LOC400499: variants seen among roughly 807,000 people sequenced by gnomAD.
the LOC400499 span, among the ~76,000 whole-genome samples, chr16:11,511,702 A>G: frequency 1.3e-5 from 2 of 152,198 alleles, no homozygotes; most frequent in African/African-American, 4.8e-5. Flanking sequence ...AATGAGCACA[A>G]GGTTTCTTTT....
At chr16:11,497,509 G>A in the LOC400499 span, among the ~76,000 whole-genome samples, 5 of 152,358 alleles carry the variant, frequency 3.3e-5, no homozygotes, top group South Asian at 4.1e-4. Context: ...GAAAGGCGGC[G>A]GGGGCACAGA....
chr16:11,485,108 A>T, the LOC400499 span: 1 of 398,954 alleles, frequency 2.5e-6, no homozygotes. Context: ...GGGAGGAACA[A>T]TTCAGTCACA....
chr16:11,377,838 A>T, the LOC400499 span, among the ~76,000 whole-genome samples: 8 of 152,212 alleles, frequency 5.3e-5, no homozygotes, highest in Non-Finnish European at 1.5e-5. Context: ...TCTTTCCTCA[A>T]TGTTTTGGAA....
chr16:11,480,803 C>A, the LOC400499 span, among the ~76,000 whole-genome samples: 1 of 152,142 alleles, frequency 6.6e-6, no homozygotes, highest in South Asian at 2.1e-4. Context: ...TTTGTTCACA[C>A]AATGGAATAC....
chr16:11,456,846 A>G, the LOC400499 span: 16 of 1,536,278 alleles, frequency 1.0e-5, no homozygotes, highest in Non-Finnish European at 1.4e-5. Context: ...GAGGCCCCAC[A>G]GCCAACACTC....
At chr16:11,498,993 G>C in the LOC400499 span, among the ~76,000 whole-genome samples, 1 of 139,530 alleles carries the variant, frequency 7.2e-6, no homozygotes, top group Admixed American at 7.6e-5. Flanking sequence ...AGTCCAGATG[G>C]GTTTGTGCTC....
At chr16:11,512,337 G>A in the LOC400499 span, among the ~76,000 whole-genome samples, 7,094 of 151,838 alleles carry the variant, frequency 0.047, 553 homozygotes, top group African/African-American at 0.16. Flanking sequence ...GGTGGCTCAC[G>A]CCTGTAGTCC....
At chr16:11,372,691 G>A in the LOC400499 span, 5 of 943,372 alleles carry the variant, frequency 5.3e-6, no homozygotes, top group Non-Finnish European at 6.3e-6. Flanking sequence ...AGAAGGTGAA[G>A]GAGTTTGAAG....
chr16:11,457,691 C>G, the LOC400499 span, among the ~76,000 whole-genome samples: 1 of 151,852 alleles, frequency 6.6e-6, no homozygotes, highest in African/African-American at 2.4e-5. Flanking sequence ...TAGAAAGAAT[C>G]GAAAGCATCA....
chr16:11,396,378 G>A, the LOC400499 span: 8 of 852,274 alleles, frequency 9.4e-6, no homozygotes, highest in Admixed American at 4.3e-5. Flanking sequence ...CCAGAATGCT[G>A]GTTTGCAGTT....
At chr16:11,447,054 C>T in the LOC400499 span, 1 of 977,266 alleles carries the variant, frequency 1.0e-6, no homozygotes, top group Non-Finnish European at 1.5e-6. Flanking sequence ...CATCAGGACA[C>T]CTGGCAGCCC....
At chr16:11,438,853 G>C in the LOC400499 span, among the ~76,000 whole-genome samples, 1 of 152,114 alleles carries the variant, frequency 6.6e-6, no homozygotes, top group Non-Finnish European at 1.5e-5. Context: ...TTAGCACTTT[G>C]GAAGGTTGAA....
At chr16:11,414,690 A>C in the LOC400499 span, 1 of 396,740 alleles carries the variant, frequency 2.5e-6, no homozygotes, top group African/African-American at 2.1e-5. Flanking sequence ...CCTCCGTGAC[A>C]TCATCTGTCA....
the LOC400499 span, chr16:11,417,517 AG>A: frequency 2.5e-6 from 1 of 397,982 alleles, no homozygotes; most frequent in Non-Finnish European, 4.4e-6. Flanking sequence ...TGGAGCCCAG[AG>A]CCACACTGGA....
At chr16:11,435,782 G>A in the LOC400499 span, 1 of 399,594 alleles carries the variant, frequency 2.5e-6, no homozygotes, top group Middle Eastern at 6.3e-4. Context: ...GTCCTGGCTG[G>A]CGTCGACCTC....
the LOC400499 span, among the ~76,000 whole-genome samples, chr16:11,461,782 C>G: frequency 6.6e-6 from 1 of 152,306 alleles, no homozygotes; most frequent in South Asian, 2.1e-4. Context: ...GAGCGGCACA[C>G]CCAGGCGCCA....
the LOC400499 span, among the ~76,000 whole-genome samples, chr16:11,417,087 C>A: frequency 1.5e-4 from 22 of 150,938 alleles, no homozygotes; most frequent in Admixed American, 7.9e-4. Context: ...TGAACCGTGT[C>A]CCCCAAAAAG....
chr16:11,401,974 C>T, the LOC400499 span: 4 of 398,958 alleles, frequency 1.0e-5, no homozygotes, highest in African/African-American at 2.1e-5. Flanking sequence ...CCAAAGACCC[C>T]GCTCAGCCTG....
the LOC400499 span, chr16:11,508,625 G>A: frequency 1.0e-4 from 41 of 397,586 alleles, no homozygotes; most frequent in Admixed American, 8.8e-5. Context: ...ATATCTGAGA[G>A]GATGGGCCAG....
Sources: allele counts gnomAD v4.1 joint callset (sites outside exome capture counted in the v4.1 genomes callset), GRCh38; gene constraint gnomAD v4.1.1; transcripts MANE v1.5.